The following DENND5B variants were observed in gnomAD, a reference collection of about 807,000 sequenced individuals.
DENND5B encodes DENN domain-containing protein 5B.
DENND5B carries 34 observed loss-of-function variants against 140.6 expected under a neutral mutation model. The observed-to-expected ratio is 0.24, with a 90% confidence interval of 0.18 to 0.32. The LOEUF (loss-of-function observed/expected upper bound fraction) is 0.32. Ranked by LOEUF, DENND5B falls within the 10% of genes least tolerant of loss-of-function variation. The pLI is 1.00. For synonymous variants in DENND5B, 551 were observed against 562.1 expected (o/e 0.98, Z 0.28); for missense variants, 1,142 against 1,560.2 (o/e 0.73, Z 4.52).
At chr12:31,452,832 T>C (rs537928198) in intron 4 of DENND5B, among the ~76,000 whole-genome samples, 7 of 152,154 alleles carry the variant, frequency 4.6e-5, no homozygotes, top group Admixed American at 4.6e-4. Flanking sequence ...TATGAATAAT[T>C]TTCTCTGGGT....
intron 8 of DENND5B, chr12:31,432,255 A>C (rs760265917): frequency 3.3e-6 from 1 of 304,222 alleles, no homozygotes; most frequent in Non-Finnish European, 4.8e-6. Context: ...ATCACAGCAA[A>C]AGAGAGGGAA....
chr12:31,406,632 C>T (rs140064916), intron 14 of DENND5B, among the ~76,000 whole-genome samples: 14 of 152,194 alleles, frequency 9.2e-5, no homozygotes, highest in African/African-American at 3.1e-4. Flanking sequence ...AGTTCTGTGG[C>T]TGCAAAAGGC....
chr12:31,436,815 G>A (rs964203952), intron 7 of DENND5B, among the ~76,000 whole-genome samples: 6 of 151,942 alleles, frequency 3.9e-5, no homozygotes, highest in Non-Finnish European at 5.9e-5. Flanking sequence ...GATTACAGAC[G>A]TGAGTCACTG....
intron 1 of DENND5B, among the ~76,000 whole-genome samples, chr12:31,559,399 C>T (rs990100883): frequency 7.9e-5 from 12 of 152,098 alleles, no homozygotes; most frequent in African/African-American, 2.9e-4. Context: ...ATCAACTAGA[C>T]CAGGTATTTA....
intron 2 of DENND5B, among the ~76,000 whole-genome samples, chr12:31,483,101 G>A (rs1278196085): frequency 1.3e-5 from 2 of 152,076 alleles, no homozygotes; most frequent in African/African-American, 4.8e-5. Flanking sequence ...CTTCCCCTTG[G>A]TATCCACATG....
intron 13 of DENND5B, 126 bp downstream of exon 13, chr12:31,413,310 A>G: frequency 8.6e-7 from 1 of 1,164,526 alleles, no homozygotes; most frequent in Non-Finnish European, 1.2e-6. Context: ...CCTGTTAGAT[A>G]AAGAAGAATG....
In DENND5B at chr12:31,577,492, C is replaced by T. The variant is rs529867568; in HGVS notation, c.127+13214G>A. On this transcript the variant is annotated intron_variant, in intron 1 of 20. Coordinates refer to ENST00000389082, the MANE Select transcript of DENND5B (RefSeq NM_144973.4). ...TTGGGAGGCCGAGGCAGGCAGATCACGAGGTCAGGAGATCGAGACCTTCCT... is the reference window on the plus strand; with the variant it reads ...TTGGGAGGCCGAGGCAGGCAGATCATGAGGTCAGGAGATCGAGACCTTCCT... Among the ~76,000 whole-genome samples, 7 of 151,986 alleles carry T rather than the reference C, an allele frequency of 4.6e-5. No individual in the cohort carries two copies. In the East Asian group the frequency reaches 1.2e-3, roughly 25 times the overall value.
At chr12:31,518,212 T>C (rs779371730) in intron 1 of DENND5B, among the ~76,000 whole-genome samples, 1 of 152,164 alleles carries the variant, frequency 6.6e-6, no homozygotes, top group Non-Finnish European at 1.5e-5. Flanking sequence ...ACATAAAACT[T>C]GATTCAAATA....
intron 7 of DENND5B, among the ~76,000 whole-genome samples, chr12:31,440,685 G>A (rs1366272223): frequency 1.3e-5 from 2 of 152,146 alleles, no homozygotes; most frequent in East Asian, 1.9e-4. Flanking sequence ...TTGAAAGAGG[G>A]TCTTTGCAAG....
At chr12:31,431,577 A>G (rs929045037) in intron 8 of DENND5B, among the ~76,000 whole-genome samples, 1 of 152,186 alleles carries the variant, frequency 6.6e-6, no homozygotes, top group Non-Finnish European at 1.5e-5. Flanking sequence ...CTGAGATTCT[A>G]TGTTGATGAC....
chr12:31,472,051 G>A (rs959785649), intron 3 of DENND5B, among the ~76,000 whole-genome samples: 5 of 152,126 alleles, frequency 3.3e-5, no homozygotes, highest in African/African-American at 7.2e-5. Context: ...GAATACATCC[G>A]TTACCCAGGG....
chr12:31,441,572 C>A (rs1478531276), intron 7 of DENND5B, among the ~76,000 whole-genome samples: 1 of 152,058 alleles, frequency 6.6e-6, no homozygotes, highest in African/African-American at 2.4e-5. Flanking sequence ...ACCTCCAACT[C>A]CTGGGCTCAA....
At chr12:31,486,198 T>A (rs529930638) in intron 2 of DENND5B, among the ~76,000 whole-genome samples, 40 of 152,306 alleles carry the variant, frequency 2.6e-4, no homozygotes, top group African/African-American at 9.1e-4. Context: ...TCTGCCCTCA[T>A]GAAAGGATTC....
intron 20 of DENND5B, 30 bp from the exon 21 acceptor site, chr12:31,387,816 G>A: frequency 1.2e-6 from 2 of 1,600,668 alleles, no homozygotes; most frequent in Non-Finnish European, 8.5e-7. Flanking sequence ...CAATTCCTGA[G>A]CATTGCTGGC....
chr12:31,538,925 C>CA (rs1165801669), intron 1 of DENND5B, among the ~76,000 whole-genome samples: 6 of 136,040 alleles, frequency 4.4e-5, no homozygotes, highest in African/African-American at 1.1e-4. Flanking sequence ...GAAACTGAAA[C>CA]AAAAAAAATA....
At chr12:31,582,185 A>AT (rs1272712570) in intron 1 of DENND5B, among the ~76,000 whole-genome samples, 2 of 151,670 alleles carry the variant, frequency 1.3e-5, no homozygotes, top group Non-Finnish European at 2.9e-5. Context: ...TTTAGGATTA[A>AT]TTTTTTTTTA....
chr12:31,505,906 C>A (rs1488406461), intron 1 of DENND5B, among the ~76,000 whole-genome samples: 1 of 152,130 alleles, frequency 6.6e-6, no homozygotes, highest in Non-Finnish European at 1.5e-5. Flanking sequence ...ACGATCATGG[C>A]TTACTGCTGC....
At chr12:31,540,271 T>C (rs1948641226) in intron 1 of DENND5B, among the ~76,000 whole-genome samples, 1 of 152,140 alleles carries the variant, frequency 6.6e-6, no homozygotes, top group South Asian at 2.1e-4. Flanking sequence ...AAACTCAATA[T>C]TGTTAAAATG....
At chr12:31,530,355 A>G (rs942249877) in intron 1 of DENND5B, among the ~76,000 whole-genome samples, 1 of 152,242 alleles carries the variant, frequency 6.6e-6, no homozygotes, top group African/African-American at 2.4e-5. Flanking sequence ...CCTGGGTGAC[A>G]GAGCAAGACT....
Sources: allele counts gnomAD v4.1 joint callset (sites outside exome capture counted in the v4.1 genomes callset), GRCh38; gene constraint gnomAD v4.1.1; transcripts MANE v1.5; gene names NCBI Gene and HGNC (gene_info 2026-07-23, HGNC 2026-07-21).